FAM13A: variants seen among roughly 807,000 people sequenced by gnomAD.
The protein encoded by FAM13A is family with sequence similarity 13 member A.
A neutral mutation model predicts 129.6 loss-of-function variants in FAM13A; 76 were observed. The ratio of observed to expected loss-of-function variants is 0.59; its 90% CI spans 0.49 to 0.71. The LOEUF is 0.71. Ranked by LOEUF, FAM13A falls within the 30% of genes least tolerant of loss-of-function variation. FAM13A has a pLI of 0.00. For missense variants in FAM13A, 1,108 were observed against 1,249.3 expected (o/e 0.89, Z 1.70); for synonymous variants, 443 against 449.9 (o/e 0.98, Z 0.20).
chr4:89,043,019 AT>A (rs1303448172), intron 1 of FAM13A, among the ~76,000 whole-genome samples: 1 of 152,200 alleles, frequency 6.6e-6, no homozygotes, highest in Non-Finnish European at 1.5e-5. Context: ...ATAAACTCTG[AT>A]TTGCATATGT....
intron 1 of FAM13A, among the ~76,000 whole-genome samples, chr4:89,056,246 ATTT>A (rs2149194982): frequency 6.6e-6 from 1 of 152,308 alleles, no homozygotes; most frequent in East Asian, 1.9e-4. Flanking sequence ...ATAATTGACA[ATTT>A]TTGATTATTA....
At chr4:88,950,594 T>C (rs1756792046) in intron 4 of FAM13A, among the ~76,000 whole-genome samples, 1 of 152,048 alleles carries the variant, frequency 6.6e-6, no homozygotes, top group African/African-American at 2.4e-5. Context: ...AATACTGAAG[T>C]GTAAAGAGCT....
chr4:89,006,617 C>T (rs750544443), intron 3 of FAM13A, among the ~76,000 whole-genome samples: 36 of 152,282 alleles, frequency 2.4e-4, no homozygotes, highest in African/African-American at 4.8e-4. Context: ...TATCCATGGA[C>T]GGCTAAGTGT....
intron 19 of FAM13A, 132 bp downstream of exon 19, chr4:88,746,800 A>G: frequency 1.5e-6 from 1 of 651,676 alleles, no homozygotes; most frequent in African/African-American, 1.8e-5. Flanking sequence ...GTAAATATAT[A>G]CTAACCTCCT....
At chr4:88,906,034 T>A (rs539701005) in intron 6 of FAM13A, among the ~76,000 whole-genome samples, 157 of 152,306 alleles carry the variant, frequency 1.0e-3, no homozygotes, top group African/African-American at 3.5e-3. Flanking sequence ...ACGCCTGTAA[T>A]CCCAGCACTT....
At chr4:89,050,064 T>G (rs939273127) in intron 1 of FAM13A, among the ~76,000 whole-genome samples, 2 of 152,222 alleles carry the variant, frequency 1.3e-5, no homozygotes, top group Non-Finnish European at 2.9e-5. Context: ...GTTGAACAGA[T>G]GGTCAGATAT....
intron 5 of FAM13A, among the ~76,000 whole-genome samples, chr4:88,931,762 G>C (rs976712002): frequency 3.3e-5 from 5 of 152,090 alleles, no homozygotes; most frequent in Non-Finnish European, 7.4e-5. Flanking sequence ...TCAAAAGAAG[G>C]ATTTGTTCTG....
chr4:88,871,001 A>G (rs1741293039), intron 6 of FAM13A, among the ~76,000 whole-genome samples: 1 of 152,216 alleles, frequency 6.6e-6, no homozygotes. Context: ...TACCTAGGCA[A>G]ACAGGTCTGG....
chr4:88,750,335 A>T, intron 15 of FAM13A, 89 bp downstream of exon 15: 1 of 1,079,482 alleles, frequency 9.3e-7, no homozygotes, highest in South Asian at 1.4e-5. Context: ...CGACTTAATT[A>T]AAAAAAATTA....
At chr4:89,030,598 A>G (rs927935700) in intron 1 of FAM13A, among the ~76,000 whole-genome samples, 1 of 152,192 alleles carries the variant, frequency 6.6e-6, no homozygotes, top group African/African-American at 2.4e-5. Flanking sequence ...AATCACCAAC[A>G]TTTAGTCACC....
In FAM13A at chr4:88,737,502, G is replaced by A. The variant is rs766504123; in HGVS notation, c.2616C>T (p.Gly872=). 2.6e-5 allele frequency: 42 copies of A among 1,613,914 alleles called. No individual in the cohort carries two copies. The highest frequency in any genetic ancestry group is 4.0e-5 in the African/African-American group (3 of 74,896). The change falls in exon 21 of 24, where the codon GGC becomes GGT. Residue 872 remains glycine (G), a synonymous_variant. Coordinates refer to ENST00000264344, the MANE Select transcript of FAM13A (RefSeq NM_014883.4). The part of the protein sequence containing the change: ...RSPLLQPIIE[G]ETASFFKEIK... ...TCTCCTTGAAGAAGGAAGCAGTTTCGCCCTCGATAATTGGCTGCAGCAAAG... is the reference window on the plus strand; with the variant it reads ...TCTCCTTGAAGAAGGAAGCAGTTTCACCCTCGATAATTGGCTGCAGCAAAG...
At chr4:88,932,877 T>C (rs1753265924) in intron 5 of FAM13A, among the ~76,000 whole-genome samples, 1 of 152,204 alleles carries the variant, frequency 6.6e-6, no homozygotes, top group African/African-American at 2.4e-5. Context: ...TTTTGAGAGT[T>C]TGCTTAAAAG....
Position 88,856,980 on chromosome 4 carries a change from G to A in FAM13A, c.844-5797C>T, listed in dbSNP as rs1296622234. Among the ~76,000 whole-genome samples the A allele has an allele frequency of 2.6e-5, 4 of 152,084 alleles. No homozygotes were observed. The East Asian group carries it at 7.7e-4, about 29-fold the overall frequency. ...TTTTGCTTAAAAAAAGTTTCATTTA[G>A]CTTTCCAAAAAAGAGATTTGTTTAC... On this transcript the variant is annotated intron_variant, in intron 6 of 23. Coordinates refer to ENST00000264344, the MANE Select transcript of FAM13A (RefSeq NM_014883.4).
chr4:89,034,428 T>C (rs1769094975), intron 1 of FAM13A, among the ~76,000 whole-genome samples: 1 of 152,140 alleles, frequency 6.6e-6, no homozygotes, highest in Admixed American at 6.6e-5. Context: ...AAACAACAGA[T>C]GTTGTCAGGG....
chr4:88,749,908 G>C lies in FAM13A; in HGVS notation c.1942C>G (p.Arg648Gly), dbSNP rs537879478. ...TAGGACCCCAGAGAGGAGCTTCGCC[G>C]CCTGTGAAGAGTACGACTTGGGTCA... Reference protein sequence around the residue: ...SPPNSHSFMRRRSSSLGSYDD... With the variant: ...SPPNSHSFMRGRSSSLGSYDD... Residue 648 changes from arginine to glycine, a missense_variant and splice_region_variant, in exon 16 of 24, where the codon CGG becomes GGG. Transcript: ENST00000264344. 15 of 1,613,254 alleles carry C rather than the reference G, an allele frequency of 9.3e-6. 1 individual carries two copies. In the South Asian group the frequency reaches 1.5e-4, roughly 17 times the overall value.
In FAM13A at chr4:88,881,771, G is replaced by A. The variant is rs558961777; in HGVS notation, c.843+24608C>T. On this transcript the variant is annotated intron_variant, in intron 6 of 23. Transcript: ENST00000264344. ...GGAAAAATCTTCAGTGAAATAGATAGCATAAATAAAAAACAATCACAACTT... is the reference window on the plus strand; with the variant it reads ...GGAAAAATCTTCAGTGAAATAGATAACATAAATAAAAAACAATCACAACTT... Among the ~76,000 whole-genome samples the A allele has an allele frequency of 2.0e-3, 304 of 152,078 alleles. 4 individuals are homozygous for A. Among genetic ancestry groups the A allele is most frequent in the African/African-American group, 7.0e-3 (290 of 41,478 alleles).
chr4:88,785,485 G>A (rs1224948178), intron 10 of FAM13A, among the ~76,000 whole-genome samples: 1 of 152,060 alleles, frequency 6.6e-6, no homozygotes, highest in East Asian at 1.9e-4. Context: ...TGAAAGGAAG[G>A]TTAAAACAGA....
At chr4:88,880,018 C>T (rs1371606841) in intron 6 of FAM13A, among the ~76,000 whole-genome samples, 1 of 152,090 alleles carries the variant, frequency 6.6e-6, no homozygotes, top group African/African-American at 2.4e-5. Context: ...TTAAGTCACA[C>T]CTACCTATAT....
chr4:88,976,923 A>G (rs535088015), intron 4 of FAM13A, among the ~76,000 whole-genome samples: 1 of 152,296 alleles, frequency 6.6e-6, no homozygotes, highest in South Asian at 2.1e-4. Context: ...ACAGCTGTGT[A>G]GCCTAGGAGC....
Sources: gnomAD v4.1 joint callset for allele counts (sites outside exome capture counted in the v4.1 genomes callset) on GRCh38, gnomAD v4.1.1 for gene constraint, MANE v1.5 for transcripts, NCBI Gene and HGNC (gene_info 2026-07-23, HGNC 2026-07-21) for gene names.